PCDH11X: variants seen among roughly 807,000 people sequenced by gnomAD.
The protein encoded by PCDH11X is protocadherin-11 X-linked.
A neutral mutation model predicts 53.3 loss-of-function variants in PCDH11X; 18 were observed. The observed-to-expected ratio is 0.34, with a 90% confidence interval of 0.23 to 0.50. The LOEUF (loss-of-function observed/expected upper bound fraction) is 0.50. Ranked by LOEUF, PCDH11X falls within the 20% of genes least tolerant of loss-of-function variation. The pLI is 0.98. For missense variants in PCDH11X, 570 were observed against 1,032.4 expected (o/e 0.55, Z 6.14); for synonymous variants, 279 against 393.3 (o/e 0.71, Z 3.44).
chrX:92,451,150 G>A (rs1172080994), intron 9 of PCDH11X, among the ~76,000 whole-genome samples: 1 of 110,353 alleles, frequency 9.1e-6, no homozygotes, highest in East Asian at 2.9e-4. Context: ...ATCTCAAGAA[G>A]TTTGTTTGCA....
intron 6 of PCDH11X, among the ~76,000 whole-genome samples, chrX:91,916,677 A>G (rs1229272871): frequency 9.1e-6 from 1 of 109,843 alleles, no homozygotes; most frequent in East Asian, 2.9e-4. Flanking sequence ...AAACAATAAT[A>G]AAAAATTGCC....
At chrX:92,329,626 A>G (rs1031559172) in intron 8 of PCDH11X, among the ~76,000 whole-genome samples, 12 of 111,735 alleles carry the variant, frequency 1.1e-4, no homozygotes, top group Non-Finnish European at 1.9e-4. Flanking sequence ...ACATATATAC[A>G]ATGGAGTACT....
At chrX:91,892,669 A>G (rs889312129) in intron 6 of PCDH11X, among the ~76,000 whole-genome samples, 1 of 109,332 alleles carries the variant, frequency 9.1e-6, no homozygotes, top group Non-Finnish European at 1.9e-5. Flanking sequence ...AATTGGCGAT[A>G]TTGAAGTGCA....
intron 6 of PCDH11X, among the ~76,000 whole-genome samples, chrX:91,920,741 A>T (rs1481434682): frequency 3.6e-5 from 4 of 110,608 alleles, no homozygotes; most frequent in Non-Finnish European, 7.6e-5. Flanking sequence ...TTTAGAAAAA[A>T]ATCCCTCTAT....
rs2067249105 is a variant in PCDH11X at position 92,240,760 on chromosome X, G to A, written c.3115-22354G>A. Among the ~76,000 whole-genome samples, 5 of 110,916 alleles carry A rather than the reference G, an allele frequency of 4.5e-5. No individual in the cohort carries two copies. The South Asian group carries it at 1.9e-3, about 42-fold the overall frequency. ...GGTCAACTTTCCCAATCATAATATT[G>A]GGATTATACTCAAATATATGGCTGT... On this transcript the variant is annotated intron_variant, in intron 7 of 10. Coordinates refer to ENST00000682573, the MANE Select transcript of PCDH11X (RefSeq NM_032968.5).
chrX:92,245,731 A>G (rs2067337752), intron 7 of PCDH11X, among the ~76,000 whole-genome samples: 1 of 111,929 alleles, frequency 8.9e-6, no homozygotes, highest in Admixed American at 9.5e-5. Context: ...TGAAGGGAGG[A>G]TAGATTGTTA....
intron 8 of PCDH11X, among the ~76,000 whole-genome samples, chrX:92,355,981 C>T (rs1475373894): frequency 9.0e-6 from 1 of 111,309 alleles, no homozygotes; most frequent in Non-Finnish European, 1.9e-5. Flanking sequence ...ACTTGTACAG[C>T]CTCGTACTTC....
chrX:91,976,101 G>C (rs994206696), intron 6 of PCDH11X, among the ~76,000 whole-genome samples: 8 of 111,524 alleles, frequency 7.2e-5, no homozygotes, highest in Non-Finnish European at 1.5e-4. Flanking sequence ...CGCCCAGGCT[G>C]TAGTGCAGTG....
chrX:92,104,052 A>T (rs754355794), intron 6 of PCDH11X, among the ~76,000 whole-genome samples: 1 of 111,523 alleles, frequency 9.0e-6, no homozygotes, highest in African/African-American at 3.3e-5. Context: ...ATATTTGATG[A>T]AAAAGAGCCT....
chrX:92,014,849 C>T (rs1291474435), intron 6 of PCDH11X, among the ~76,000 whole-genome samples: 1 of 110,530 alleles, frequency 9.0e-6, no homozygotes, highest in Admixed American at 9.7e-5. Flanking sequence ...AACACATGGG[C>T]ACAGGAAGTG....
chrX:91,966,464 C>T lies in PCDH11X; in HGVS notation c.3033+87191C>T, dbSNP rs765210920. ...GTTGAACAATGAGAACGCATGGACA[C>T]AGGCAGGGGAACATCACACACCGGG... is the stretch of plus-strand genomic sequence containing the variant. On this transcript the variant is annotated intron_variant, in intron 6 of 10. Transcript: ENST00000682573. Among the ~76,000 whole-genome samples, 600 of 107,419 alleles carry T rather than the reference C, an allele frequency of 5.6e-3. 2 individuals carry two copies. Among genetic ancestry groups the T allele is most frequent in the Non-Finnish European group, 8.4e-3 (441 of 52,464 alleles). The allele number at this position is 107,419 out of a possible 115,157, so 93.3% of individuals were successfully genotyped here. A position where few individuals can be genotyped will look rare whatever the true frequency, so the allele number is the denominator to read the frequency against.
intron 9 of PCDH11X, among the ~76,000 whole-genome samples, chrX:92,461,309 A>G (rs2073039168): frequency 9.2e-6 from 1 of 108,575 alleles, no homozygotes; most frequent in Admixed American, 9.9e-5. Context: ...TTCAAATTAT[A>G]CTACAGAGCC....
chrX:92,288,614 G>A (rs1182870152), intron 8 of PCDH11X, among the ~76,000 whole-genome samples: 2 of 110,874 alleles, frequency 1.8e-5, no homozygotes, highest in Admixed American at 9.7e-5. Flanking sequence ...GTTAATCAAG[G>A]TAGGACGTCA....
Position 91,886,827 on chromosome X carries a change from T to C in PCDH11X, c.3033+7554T>C, listed in dbSNP as rs796303677. The stretch of plus-strand genomic sequence containing the variant: ...TCTACTAAAAATACAAAAAATTAGC[T>C]GGGCGTGGTGGCGGGCGCCTGTAGT... On this transcript the variant is annotated intron_variant, in intron 6 of 10. Transcript: ENST00000682573. 3.5e-3 allele frequency among the ~76,000 whole-genome samples: 379 copies of C among 107,683 alleles called. 1 individual carries two copies. The highest frequency in any genetic ancestry group is 9.5e-3 in the Middle Eastern group (2 of 210). 93.5% of individuals were successfully genotyped at this position (107,683 alleles called of 115,157 possible). A position where few individuals can be genotyped will look rare whatever the true frequency, so the allele number is the denominator to read the frequency against.
At chrX:92,411,436 A>C (rs1183801418) in intron 9 of PCDH11X, among the ~76,000 whole-genome samples, 2 of 106,358 alleles carry the variant, frequency 1.9e-5, no homozygotes, top group East Asian at 6.0e-4. Context: ...TTTCCCACCA[A>C]CCCCCCAACA....
intron 8 of PCDH11X, among the ~76,000 whole-genome samples, chrX:92,323,409 A>G: frequency 9.2e-6 from 1 of 108,392 alleles, no homozygotes; most frequent in East Asian, 2.9e-4. Context: ...ATGAATAAAG[A>G]ATCAGTAAAC....
intron 6 of PCDH11X, among the ~76,000 whole-genome samples, chrX:91,926,865 A>G (rs910371785): frequency 9.0e-6 from 1 of 110,879 alleles, no homozygotes; most frequent in African/African-American, 3.3e-5. Context: ...TATTATCTTT[A>G]ACTATAGTCA....
At chrX:91,959,003 T>C (rs2061748115) in intron 6 of PCDH11X, among the ~76,000 whole-genome samples, 1 of 106,103 alleles carries the variant, frequency 9.4e-6, no homozygotes, top group South Asian at 4.2e-4. Flanking sequence ...ACTATACAGA[T>C]AACACATTTT....
intron 10 of PCDH11X, among the ~76,000 whole-genome samples, chrX:92,598,072 C>T (rs1925824795): frequency 9.0e-6 from 1 of 111,247 alleles, no homozygotes; most frequent in Non-Finnish European, 1.9e-5. Flanking sequence ...ACTGTGAAAC[C>T]ATTAAAAGAA....
Sources: gnomAD v4.1 joint callset for allele counts (sites outside exome capture counted in the v4.1 genomes callset) on GRCh38, gnomAD v4.1.1 for gene constraint, MANE v1.5 for transcripts, NCBI Gene and HGNC (gene_info 2026-07-23, HGNC 2026-07-21) for gene names.